The following MAGI2 variants were observed in gnomAD, a reference collection of about 807,000 sequenced individuals.
The protein encoded by MAGI2 is membrane-associated guanylate kinase, WW and PDZ domain-containing protein 2.
Under a neutral mutation model 133.3 loss-of-function variants are expected in MAGI2, and 35 were observed. The observed-to-expected ratio is 0.26, with a 90% CI of 0.20 to 0.35. MAGI2 has a LOEUF of 0.35. Among genes scored for constraint, MAGI2 ranks in the 10% least tolerant of loss-of-function variants. The pLI, the probability that MAGI2 is intolerant of heterozygous loss-of-function variation, is 1.00. For synonymous variants in MAGI2, 729 were observed against 710.6 expected (o/e 1.03, Z -0.41); for missense variants, 1,636 against 1,863.4 (o/e 0.88, Z 2.25).
intron 1 of MAGI2, among the ~76,000 whole-genome samples, chr7:79,441,469 T>A (rs917235765): frequency 2.0e-5 from 3 of 152,240 alleles, no homozygotes; most frequent in African/African-American, 7.2e-5. Flanking sequence ...AAAGGCATTT[T>A]ATTGATTCAA....
At chr7:79,296,785 A>T (rs1836965018) in intron 1 of MAGI2, among the ~76,000 whole-genome samples, 1 of 152,184 alleles carries the variant, frequency 6.6e-6, no homozygotes, top group South Asian at 2.1e-4. Context: ...TTACAGTTGG[A>T]TGGAAAGAAG....
At chr7:78,705,387 A>G (rs1818539525) in intron 2 of MAGI2, among the ~76,000 whole-genome samples, 1 of 152,102 alleles carries the variant, frequency 6.6e-6, no homozygotes, top group South Asian at 2.1e-4. Context: ...GCCATGTGGA[A>G]CTGTGAGTCA....
chr7:79,160,711 G>A lies in MAGI2; in HGVS notation c.302-153505C>T, dbSNP rs367845135. Reference sequence around the variant, plus strand: ...CCACTGTAAGGTCTGTCCTGAGAAAGGGTCTTCCCAACTCTCCCTATAAAA... The same window carrying A: ...CCACTGTAAGGTCTGTCCTGAGAAAAGGTCTTCCCAACTCTCCCTATAAAA... On this transcript the variant is annotated intron_variant, in intron 1 of 21. Transcript: ENST00000354212. 4.6e-5 allele frequency among the ~76,000 whole-genome samples: 7 copies of A among 152,046 alleles called. No homozygotes were observed. In the East Asian group the frequency reaches 9.7e-4, roughly 21 times the overall value.
At chr7:78,466,952 C>T (rs982984277) in intron 6 of MAGI2, among the ~76,000 whole-genome samples, 6 of 152,024 alleles carry the variant, frequency 3.9e-5, no homozygotes, top group East Asian at 1.9e-4. Context: ...GTATCTGTCC[C>T]GGTGATATAC....
chr7:78,499,801 C>T (rs767915965), intron 5 of MAGI2, among the ~76,000 whole-genome samples: 19 of 152,066 alleles, frequency 1.2e-4, no homozygotes, highest in African/African-American at 2.7e-4. Context: ...TTCCTTATTC[C>T]GAACATCAAT....
chr7:78,656,401 C>T (rs1812279423), intron 2 of MAGI2, among the ~76,000 whole-genome samples: 1 of 152,066 alleles, frequency 6.6e-6, no homozygotes, highest in Admixed American at 6.5e-5. Context: ...ATGGATGGAC[C>T]TGGAGGACAT....
rs1041232691 is a variant in MAGI2, at chr7:78,501,794, G to A, written c.755-7C>T. 7 of 1,610,958 alleles carry A rather than the reference G, an allele frequency of 4.3e-6. No homozygotes were observed. The South Asian group carries it at 6.6e-5, about 15-fold the overall frequency. On this transcript the variant is annotated splice_polypyrimidine_tract_variant and splice_region_variant and intron_variant, in intron 4 of 21. Coordinates refer to ENST00000354212, the MANE Select transcript of MAGI2 (RefSeq NM_012301.4). ...TCTTCATGTTCACTGGATTCTATAA[G>A]AGAACAAGAGCACGTGGTTAGTCAC...
intron 2 of MAGI2, among the ~76,000 whole-genome samples, chr7:78,677,190 A>C (rs1301036959): frequency 1.3e-5 from 2 of 152,070 alleles, no homozygotes; most frequent in Non-Finnish European, 2.9e-5. Flanking sequence ...GTTACATAGT[A>C]ATATCAGTCA....
At chr7:78,225,295 C>A (rs1789266946) in intron 10 of MAGI2, among the ~76,000 whole-genome samples, 1 of 152,130 alleles carries the variant, frequency 6.6e-6, no homozygotes. Context: ...GTCAGTAGAG[C>A]CAACCAAGAT....
intron 2 of MAGI2, among the ~76,000 whole-genome samples, chr7:78,675,568 A>G (rs1814928074): frequency 6.6e-6 from 1 of 152,166 alleles, no homozygotes; most frequent in Non-Finnish European, 1.5e-5. Context: ...AGCATCAAGG[A>G]GAAATCAGAG....
In MAGI2 at chr7:78,433,634, T is replaced by C. The variant is rs1800000757; in HGVS notation, c.1045+56127A>G. Among the ~76,000 whole-genome samples, 2 of 151,926 alleles carry C rather than the reference T, an allele frequency of 1.3e-5. 1 individual carries two copies. The highest frequency in any genetic ancestry group is 4.1e-4 in the South Asian group (2 of 4,820). ...CTGGTGGTTTTGCAGGAAAGAGTGT[T>C]TTCTGTTTTATTTTCAAATCTTCTG... On this transcript the variant is annotated intron_variant, in intron 6 of 21. Transcript: ENST00000354212.
intron 8 of MAGI2, 38 bp from the exon 9 acceptor site, chr7:78,343,998 T>G: frequency 6.3e-7 from 1 of 1,578,444 alleles, no homozygotes; most frequent in Non-Finnish European, 8.6e-7. Flanking sequence ...GAAAAAGGCA[T>G]GTTCAAGTCA....
At chr7:78,182,822 C>T (rs1198429598) in intron 13 of MAGI2, among the ~76,000 whole-genome samples, 1 of 152,196 alleles carries the variant, frequency 6.6e-6, no homozygotes, top group Admixed American at 6.5e-5. Flanking sequence ...TTTCCTGGCT[C>T]TCTTATTTTT....
intron 10 of MAGI2, among the ~76,000 whole-genome samples, chr7:78,248,766 T>C (rs1215010459): frequency 6.6e-6 from 1 of 152,018 alleles, no homozygotes; most frequent in African/African-American, 2.4e-5. Context: ...ACTATAAAGG[T>C]ACTATAGTAA....
chr7:78,933,717 A>G (rs1414370798), intron 2 of MAGI2, among the ~76,000 whole-genome samples: 1 of 152,154 alleles, frequency 6.6e-6, no homozygotes, highest in African/African-American at 2.4e-5. Flanking sequence ...TGACATGGTT[A>G]AAATGTGTGG....
rs187549129 is a variant in MAGI2 at position 78,430,490 on chromosome 7, C to T, written c.1045+59271G>A. Among the ~76,000 whole-genome samples, 34 of 151,972 alleles carry T rather than the reference C, an allele frequency of 2.2e-4. No homozygotes were observed. In the East Asian group the frequency reaches 5.2e-3, roughly 23 times the overall value. ...TATTAAAAATAGAGAAAAAACACCCCTCTATTTCTGAATATACTTAGTTTT... is the reference window on the plus strand; with the variant it reads ...TATTAAAAATAGAGAAAAAACACCCTTCTATTTCTGAATATACTTAGTTTT... On this transcript the variant is annotated intron_variant, in intron 6 of 21. Coordinates refer to ENST00000354212, the MANE Select transcript of MAGI2 (RefSeq NM_012301.4).
chr7:78,581,635 C>T (rs1188848882), intron 3 of MAGI2, among the ~76,000 whole-genome samples: 1 of 152,180 alleles, frequency 6.6e-6, no homozygotes, highest in African/African-American at 2.4e-5. Context: ...AAAGAAATAT[C>T]TTTCTCTCTC....
At chr7:78,891,204 A>G (rs1002279027) in intron 2 of MAGI2, among the ~76,000 whole-genome samples, 1 of 152,240 alleles carries the variant, frequency 6.6e-6, no homozygotes, top group African/African-American at 2.4e-5. Flanking sequence ...TGAATAGACC[A>G]ATAACAGGCT....
At chr7:78,252,743 C>T (rs998334534) in intron 10 of MAGI2, 1 of 151,902 alleles carries the variant, frequency 6.6e-6, no homozygotes, top group Non-Finnish European at 1.5e-5. Context: ...ATACTGAGAC[C>T]ATCCTGGCTA....
Sources: gnomAD v4.1 joint callset for allele counts (sites outside exome capture counted in the v4.1 genomes callset) on GRCh38, gnomAD v4.1.1 for gene constraint, MANE v1.5 for transcripts, NCBI Gene and HGNC (gene_info 2026-07-23, HGNC 2026-07-21) for gene names.